The following SNUPN variants were observed in gnomAD, a reference collection of about 807,000 sequenced individuals.
The protein encoded by SNUPN is snurportin-1.
In SNUPN, 31 loss-of-function variants were observed where a neutral mutation model predicts 39.2. The ratio of observed to expected loss-of-function variants is 0.79; its 90% CI spans 0.59 to 1.07. The LOEUF (loss-of-function observed/expected upper bound fraction) is 1.07, where lower values mean the gene tolerates loss of function less well. Ranked by LOEUF, SNUPN falls within the 50% of genes least tolerant of loss-of-function variation. The probability of loss-of-function intolerance (pLI) is 0.00; values close to 1 mark genes in which losing one functional copy is unlikely to be tolerated. For synonymous variants in SNUPN, 132 were observed against 159.0 expected (o/e 0.83, Z 1.28); for missense variants, 382 against 434.2 (o/e 0.88, Z 1.07).
intron 7 of SNUPN, among the ~76,000 whole-genome samples, chr15:75,604,405 ACCTGCCTCGG>A (rs759969049): frequency 6.6e-6 from 1 of 151,758 alleles, no homozygotes; most frequent in Admixed American, 6.6e-5. Context: ...CAAATGATCC[ACCTGCCTCGG>A]CCTCCCAAAG....
chr15:75,623,748 G>C (rs954418801), intron 1 of SNUPN, among the ~76,000 whole-genome samples: 1 of 151,610 alleles, frequency 6.6e-6, no homozygotes, highest in African/African-American at 2.4e-5. Flanking sequence ...CCCGGCTTGA[G>C]GTGTGCCTTA....
chr15:75,620,304 T>G (rs989670021), intron 2 of SNUPN, among the ~76,000 whole-genome samples: 4 of 152,194 alleles, frequency 2.6e-5, no homozygotes, highest in Admixed American at 2.0e-4. Flanking sequence ...AGGCCCATGC[T>G]GCATTGAGAA....
At chr15:75,598,763 T>C in intron 8 of SNUPN, 82 bp from the exon 9 acceptor site, 4 of 1,095,862 alleles carry the variant, frequency 3.7e-6, no homozygotes, top group Non-Finnish European at 5.2e-6. Context: ...CAAGGGCAGC[T>C]CTTGTGGTCC....
At chr15:75,615,344 A>G (rs967682857) in intron 3 of SNUPN, among the ~76,000 whole-genome samples, 1 of 151,942 alleles carries the variant, frequency 6.6e-6, no homozygotes, top group Admixed American at 6.6e-5. Flanking sequence ...CTCTTCTGCC[A>G]TACTCCTTCT....
chr15:75,626,141 TG>T (rs1329679012), upstream of SNUPN: 2 of 152,328 alleles, frequency 1.3e-5, no homozygotes, highest in African/African-American at 4.8e-5. Context: ...AAACGGGCAG[TG>T]CCAATTGCCT....
Position 75,607,102 on chromosome 15 carries a change from C to T in SNUPN, c.600+114G>A, listed in dbSNP as rs1045160677. ...AGCATTAGATAATGTTCTTGATATA[C>T]CACATCCTGTGCACACCAAGAAGTT... On this transcript the variant is annotated intron_variant, in intron 6 of 8. Transcript: ENST00000308588. 3.9e-6 allele frequency: 3 copies of T among 767,398 alleles called. No individual in the cohort carries two copies. In the Admixed American group the frequency reaches 5.2e-5, roughly 13 times the overall value. 47.5% of individuals were successfully genotyped at this position (767,398 alleles called of 1,614,324 possible).
At chr15:75,616,792 T>C (rs1275726257) in intron 3 of SNUPN, among the ~76,000 whole-genome samples, 2 of 152,222 alleles carry the variant, frequency 1.3e-5, no homozygotes, top group Non-Finnish European at 2.9e-5. Flanking sequence ...CATGTTGGTT[T>C]CCTCTCTGGA....
At chr15:75,624,837 A>C (rs751832777) in intron 1 of SNUPN, 2 of 660,914 alleles carry the variant, frequency 3.0e-6, no homozygotes, top group South Asian at 1.7e-5. Context: ...CAGTGGCATG[A>C]TCTCGGCTCA....
chr15:75,611,123 A>G (rs891178243), intron 3 of SNUPN, among the ~76,000 whole-genome samples: 2 of 151,142 alleles, frequency 1.3e-5, no homozygotes, highest in African/African-American at 4.9e-5. Flanking sequence ...AGCCAAGATC[A>G]CGCCACTGCA....
intron 1 of SNUPN, chr15:75,622,384 G>A (rs571296730): frequency 1.1e-5 from 11 of 985,302 alleles, no homozygotes; most frequent in African/African-American, 7.0e-5. Flanking sequence ...AACAAGTAAC[G>A]TCAATGCTCC....
rs1893208103 is a variant in SNUPN at position 75,625,648 on chromosome 15, T to A, written c.-6+18A>T. 2.0e-5 allele frequency: 3 copies of A among 147,574 alleles called. No homozygotes were observed. In the Admixed American group the frequency reaches 2.0e-4, roughly 10 times the overall value. The allele number at this position is 147,574 out of a possible 1,614,324, so 9.1% of individuals were successfully genotyped here. On this transcript the variant is annotated intron_variant, in intron 1 of 8. Coordinates refer to ENST00000308588, the MANE Select transcript of SNUPN (RefSeq NM_005701.4). ...ACTCGGCAGCTGGCGGGGCCCGGGCTCGAACCCAGGGACTCACCCAAACCG... is the reference window on the plus strand; with the variant it reads ...ACTCGGCAGCTGGCGGGGCCCGGGCACGAACCCAGGGACTCACCCAAACCG...
At chr15:75,622,867 C>T (rs1893107323) in intron 1 of SNUPN, among the ~76,000 whole-genome samples, 1 of 152,086 alleles carries the variant, frequency 6.6e-6, no homozygotes, top group African/African-American at 2.4e-5. Flanking sequence ...TTGCCAGGTG[C>T]AGTTGTGCTT....
chr15:75,626,255 T>G (rs1392171886), upstream of SNUPN: 1 of 152,304 alleles, frequency 6.6e-6, no homozygotes, highest in Non-Finnish European at 1.5e-5. Context: ...TACTGCCTGT[T>G]TGCTGCTTTT....
At chr15:75,608,008 G>T (rs1892676821) in intron 5 of SNUPN, among the ~76,000 whole-genome samples, 1 of 152,126 alleles carries the variant, frequency 6.6e-6, no homozygotes, top group Non-Finnish European at 1.5e-5. Context: ...TGAACAGAAG[G>T]TGGGTATAAG....
At chr15:75,608,624 T>C (rs1342165544) in intron 5 of SNUPN, among the ~76,000 whole-genome samples, 2 of 152,342 alleles carry the variant, frequency 1.3e-5, no homozygotes, top group East Asian at 3.9e-4. Context: ...CAGCATCAGC[T>C]GGCTGTACCA....
chr15:75,604,029 CA>C (rs1203956943), intron 7 of SNUPN, among the ~76,000 whole-genome samples: 2 of 152,168 alleles, frequency 1.3e-5, no homozygotes, highest in Admixed American at 6.6e-5. Context: ...GCACTTAAAC[CA>C]GTGTCTTAGA....
At chr15:75,622,784 G>C (rs1483898403) in intron 1 of SNUPN, among the ~76,000 whole-genome samples, 1 of 152,172 alleles carries the variant, frequency 6.6e-6, no homozygotes, top group Non-Finnish European at 1.5e-5. Context: ...CATTGCACAA[G>C]TGAAGTCAGA....
chr15:75,621,096 TATC>T lies in SNUPN; in HGVS notation c.-5-43_-5-41del, dbSNP rs754835446. ...GTAAGAAAATGGTTCATTCATTTCA[TATC>T]ATCTCCTGTATACAGACAGTTATGC... On this transcript the variant is annotated intron_variant, in intron 1 of 8. Transcript: ENST00000308588. The T allele has an allele frequency of 3.8e-6, 6 of 1,597,270 alleles. No homozygotes were observed. The Admixed American group carries it at 5.0e-5, about 13-fold the overall frequency.
At chr15:75,625,639 G>A (rs1378859014) in intron 1 of SNUPN, 27 bp downstream of exon 1, 1 of 151,652 alleles carries the variant, frequency 6.6e-6, no homozygotes, top group African/African-American at 2.4e-5. Flanking sequence ...CAGCTGGCGG[G>A]GCCCGGGCTC....
Sources: gnomAD v4.1 joint callset for allele counts (sites outside exome capture counted in the v4.1 genomes callset) on GRCh38, gnomAD v4.1.1 for gene constraint, MANE v1.5 for transcripts, NCBI Gene and HGNC (gene_info 2026-07-23, HGNC 2026-07-21) for gene names.